The following GPM6A variants were observed in gnomAD, a reference collection of about 807,000 sequenced individuals.
GPM6A encodes glycoprotein M6A.
GPM6A carries 7 observed loss-of-function variants against 32.1 expected under a neutral mutation model. That is an observed-to-expected ratio of 0.22 (90% confidence interval 0.12 to 0.41). The LOEUF (loss-of-function observed/expected upper bound fraction) is 0.41, where lower values mean the gene tolerates loss of function less well. Among genes scored for constraint, GPM6A ranks in the 10% least tolerant of loss-of-function variants. The probability of loss-of-function intolerance (pLI) is 1.00; values close to 1 mark genes in which losing one functional copy is unlikely to be tolerated. For missense variants in GPM6A, 235 were observed against 347.2 expected (o/e 0.68, Z 2.57); for synonymous variants, 130 against 123.4 (o/e 1.05, Z -0.35).
chr4:175,860,179 T>G (rs915208470), intron 1 of GPM6A, among the ~76,000 whole-genome samples: 5 of 149,494 alleles, frequency 3.3e-5, no homozygotes, highest in African/African-American at 1.2e-4. Flanking sequence ...CAAGCAGAAG[T>G]GAGAAGATAA....
At chr4:175,838,116 C>A (rs6823322) in intron 1 of GPM6A, among the ~76,000 whole-genome samples, 1 of 68,566 alleles carries the variant, frequency 1.5e-5, no homozygotes, top group African/African-American at 4.8e-5. Flanking sequence ...CACACAGACA[C>A]ACACACACAC....
chr4:175,729,594 A>G (rs986745130), intron 1 of GPM6A, among the ~76,000 whole-genome samples: 1 of 152,082 alleles, frequency 6.6e-6, no homozygotes, highest in Non-Finnish European at 1.5e-5. Context: ...CTAAAAGAGT[A>G]TAAGTGGATT....
Position 175,930,447 on chromosome 4 carries a change from TG to T in GPM6A, c.-23+71861del, listed in dbSNP as rs70962432. On this transcript the variant is annotated intron_variant, in intron 1 of 7. Coordinates refer to the GPM6A transcript ENST00000280187. Reference sequence around the variant, plus strand: ...TTTTGGGGGGGGGTTTTTTTGTTGTTGTTTTTTTTAAGTTTCAACATGAACT... The same window carrying T: ...TTTTGGGGGGGGGTTTTTTTGTTGTTTTTTTTTTAAGTTTCAACATGAACT... Among the ~76,000 whole-genome samples the T allele has an allele frequency of 1.3e-3, 193 of 151,026 alleles. 2 individuals are homozygous for T. Among genetic ancestry groups the T allele is most frequent in the African/African-American group, 4.1e-3 (170 of 41,282 alleles).
At chr4:175,919,645 T>C (rs1738603346) in intron 1 of GPM6A, among the ~76,000 whole-genome samples, 1 of 152,140 alleles carries the variant, frequency 6.6e-6, no homozygotes, top group Non-Finnish European at 1.5e-5. Flanking sequence ...ACTGCTAATT[T>C]CCTTTCAAAC....
chr4:175,958,609 C>G (rs1390575352), intron 1 of GPM6A, among the ~76,000 whole-genome samples: 1 of 152,182 alleles, frequency 6.6e-6, no homozygotes, highest in East Asian at 1.9e-4. Context: ...CCTCAGATCT[C>G]TAGAGGTCTC....
At chr4:175,860,971 A>G (rs1043367981) in intron 1 of GPM6A, among the ~76,000 whole-genome samples, 1 of 149,668 alleles carries the variant, frequency 6.7e-6, no homozygotes, top group Non-Finnish European at 1.5e-5. Flanking sequence ...CATCCATGTG[A>G]AAAGGCCTGT....
At chr4:175,760,414 G>A (rs56847886) in intron 1 of GPM6A, among the ~76,000 whole-genome samples, 2,384 of 152,122 alleles carry the variant, frequency 0.016, 78 homozygotes, top group African/African-American at 0.054. Context: ...AGGCATCTGA[G>A]AAAAGATGAG....
At chr4:175,803,039 T>C (rs1048041365) in intron 1 of GPM6A, among the ~76,000 whole-genome samples, 2 of 152,066 alleles carry the variant, frequency 1.3e-5, no homozygotes, top group African/African-American at 4.8e-5. Flanking sequence ...GATCTGTCTC[T>C]ATTTAGGGGA....
intron 1 of GPM6A, among the ~76,000 whole-genome samples, chr4:175,729,308 G>C (rs1731312179): frequency 6.6e-6 from 1 of 152,056 alleles, no homozygotes; most frequent in African/African-American, 2.4e-5. Context: ...TCCTACTCTA[G>C]GGATTATAGA....
chr4:175,902,050 T>G (rs1187243050), intron 1 of GPM6A, among the ~76,000 whole-genome samples: 1 of 152,204 alleles, frequency 6.6e-6, no homozygotes, highest in African/African-American at 2.4e-5. Flanking sequence ...GACAAGAATG[T>G]GTGTAGCACC....
chr4:175,819,542 T>A (rs760729212), intron 1 of GPM6A, among the ~76,000 whole-genome samples: 10 of 152,192 alleles, frequency 6.6e-5, no homozygotes, highest in Admixed American at 5.2e-4. Flanking sequence ...AAAGTGTATA[T>A]CCCATTTAAC....
chr4:175,893,123 G>T lies in GPM6A; in HGVS notation c.-22-80874C>A, dbSNP rs114475388. On this transcript the variant is annotated intron_variant, in intron 1 of 7. Transcript: ENST00000280187. ...TGGGTCTCCCCCATGGATAAGACAG[G>T]CATTGGAGACAGTGATGGTAAACCT... 7.2e-3 allele frequency among the ~76,000 whole-genome samples: 1,098 copies of T among 152,270 alleles called. 10 individuals carry two copies. Among genetic ancestry groups the T allele is most frequent in the African/African-American group, 0.025 (1,033 of 41,550 alleles).
intron 1 of GPM6A, among the ~76,000 whole-genome samples, chr4:175,717,725 T>C (rs1254512057): frequency 1.6e-4 from 25 of 152,192 alleles, no homozygotes; most frequent in Admixed American, 1.5e-3. Context: ...TAGACAAAAA[T>C]ATCTCAAACT....
intron 1 of GPM6A, among the ~76,000 whole-genome samples, chr4:175,766,569 T>G (rs1732974976): frequency 1.3e-5 from 2 of 152,152 alleles, no homozygotes; most frequent in South Asian, 4.1e-4. Flanking sequence ...TTTAGATTGA[T>G]CTAATATACC....
chr4:175,893,694 C>T (rs1292290425), intron 1 of GPM6A, among the ~76,000 whole-genome samples: 2 of 152,084 alleles, frequency 1.3e-5, no homozygotes, highest in East Asian at 1.9e-4. Flanking sequence ...TAACCTCATT[C>T]GTTTTATATC....
In GPM6A at chr4:175,752,702, A is replaced by G. The variant is rs148018676; in HGVS notation, c.38-50935T>C. Among the ~76,000 whole-genome samples the G allele has an allele frequency of 4.3e-3, 652 of 152,266 alleles. 3 individuals carry two copies. Among genetic ancestry groups the G allele is most frequent in the Non-Finnish European group, 6.9e-3 (469 of 68,018 alleles). The stretch of plus-strand genomic sequence containing the variant: ...TCTATCTTCTTCTATTTGCTTATAT[A>G]TCTCTTACATGAAATTAAAGGACAA... On this transcript the variant is annotated intron_variant, in intron 1 of 6. Transcript: ENST00000393658.
chr4:175,803,174 TCA>T (rs1324180534), intron 1 of GPM6A, among the ~76,000 whole-genome samples: 31 of 151,266 alleles, frequency 2.0e-4, no homozygotes, highest in African/African-American at 7.5e-4. Context: ...TTCATCATCA[TCA>T]TCATCATCAT....
intron 1 of GPM6A, among the ~76,000 whole-genome samples, chr4:175,996,196 G>A (rs547485790): frequency 1.8e-4 from 27 of 152,220 alleles, no homozygotes; most frequent in Admixed American, 1.6e-3. Flanking sequence ...GAAAGGCCTC[G>A]ATTTTTTGTA....
At chr4:175,769,814 T>C (rs745922611) in intron 1 of GPM6A, among the ~76,000 whole-genome samples, 2 of 152,208 alleles carry the variant, frequency 1.3e-5, no homozygotes, top group Non-Finnish European at 2.9e-5. Flanking sequence ...AAAGTTAATG[T>C]CCAGAAAATA....
Sources: gnomAD v4.1 joint callset for allele counts (sites outside exome capture counted in the v4.1 genomes callset) on GRCh38, gnomAD v4.1.1 for gene constraint, MANE v1.5 for transcripts, NCBI Gene and HGNC (gene_info 2026-07-23, HGNC 2026-07-21) for gene names.